Variants in CAMTA1 observed in about 807,000 individuals in gnomAD.
The protein encoded by CAMTA1 is calmodulin binding transcription activator 1, also known as calmodulin-binding transcription activator 1.
Under a neutral mutation model 170.9 loss-of-function variants are expected in CAMTA1, and 27 were observed. The observed-to-expected ratio is 0.16, with a 90% CI of 0.12 to 0.22. CAMTA1 has a LOEUF of 0.22. CAMTA1 is among the 10% of genes least tolerant of loss of function. CAMTA1 has a pLI of 1.00. For synonymous variants in CAMTA1, 833 were observed against 891.5 expected (o/e 0.93, Z 1.17); for missense variants, 1,619 against 2,217.2 (o/e 0.73, Z 5.42).
At chr1:7,430,130 G>A (rs1261921537) in intron 5 of CAMTA1, among the ~76,000 whole-genome samples, 1 of 152,154 alleles carries the variant, frequency 6.6e-6, no homozygotes, top group East Asian at 1.9e-4. Flanking sequence ...TGATGACAAT[G>A]ATGGCAATGA....
chr1:7,219,341 T>C (rs1660307273), intron 4 of CAMTA1: 1 of 151,774 alleles, frequency 6.6e-6, no homozygotes, highest in Non-Finnish European at 1.5e-5. Flanking sequence ...AGTAGGTCTC[T>C]ATCAAGAAGG....
Position 7,113,437 on chromosome 1 carries a change from C to T in CAMTA1, c.302+22066C>T, listed in dbSNP as rs1054513304. ...AGAGGGGTCATCTTTACTTGATTCC[C>T]TTGGTCTGGAGAGAAGGATCTAGGG... On this transcript the variant is annotated intron_variant, in intron 4 of 22. Transcript: ENST00000303635. The surrounding 1 kb of genome is among the most constrained non-coding windows in gnomAD (Gnocchi z 4.5). Among the ~76,000 whole-genome samples the T allele has an allele frequency of 1.3e-5, 2 of 152,162 alleles. No homozygotes were observed. The highest frequency in any genetic ancestry group is 1.9e-4 in the East Asian group (1 of 5,184).
intron 6 of CAMTA1, among the ~76,000 whole-genome samples, chr1:7,472,564 C>G (rs1035167956): frequency 6.6e-6 from 1 of 152,132 alleles, no homozygotes; most frequent in African/African-American, 2.4e-5. Flanking sequence ...CACCATCACC[C>G]CTGTTTATAG....
chr1:7,342,571 T>C (rs1419193793), intron 5 of CAMTA1, among the ~76,000 whole-genome samples: 9 of 152,276 alleles, frequency 5.9e-5, no homozygotes, highest in Admixed American at 1.3e-4. Flanking sequence ...TGGTGGCCCT[T>C]GAAGAGTGGT....
At chr1:7,267,089 C>G (rs1257478379) in intron 5 of CAMTA1, among the ~76,000 whole-genome samples, 1 of 152,180 alleles carries the variant, frequency 6.6e-6, no homozygotes, top group Non-Finnish European at 1.5e-5. Flanking sequence ...CTGTTGGCTT[C>G]TTCATCTATG....
At position 7,443,256 on chromosome 1, in the gene CAMTA1, G is replaced by T. The variant is rs2092594984; in HGVS notation, c.439-24574G>T. Among the ~76,000 whole-genome samples, 1 of 152,222 alleles carries T rather than the reference G, an allele frequency of 6.6e-6. No homozygotes were observed. Among genetic ancestry groups the T allele is most frequent in the Non-Finnish European group, 1.5e-5 (1 of 68,050 alleles). ...ATGAAGTCCATTTCCCCACTTTCGT[G>T]GGGTACAGTCCCCTTGAGGCAGGGA... On this transcript the variant is annotated intron_variant, in intron 5 of 22. Transcript: ENST00000303635. The surrounding 1 kb of genome is among the most constrained non-coding windows in gnomAD (Gnocchi z 4.1).
At chr1:6,972,210 T>C (rs956167002) in intron 3 of CAMTA1, among the ~76,000 whole-genome samples, 4 of 152,126 alleles carry the variant, frequency 2.6e-5, no homozygotes, top group Non-Finnish European at 5.9e-5. Context: ...GTGAGGGAAC[T>C]TGGCTTTATG....
chr1:7,339,814 C>T (rs35352810), intron 5 of CAMTA1, among the ~76,000 whole-genome samples: 3,125 of 152,268 alleles, frequency 0.021, 53 homozygotes, highest in Non-Finnish European at 0.031. Context: ...CCAGGCTGGT[C>T]TCAAACTCCT....
At chr1:7,662,017 C>A in intron 8 of CAMTA1, 151 bp downstream of exon 8, 2 of 959,998 alleles carry the variant, frequency 2.1e-6, no homozygotes, top group Non-Finnish European at 1.5e-6. Flanking sequence ...CCGCACCCAG[C>A]ACAGACACAA....
At chr1:7,027,683 C>A (rs984138354) in intron 3 of CAMTA1, among the ~76,000 whole-genome samples, 8 of 152,100 alleles carry the variant, frequency 5.3e-5, no homozygotes, top group Non-Finnish European at 1.0e-4. Flanking sequence ...TGGCACGACC[C>A]CTCATGCAAA....
At chr1:7,358,633 G>A (rs566220082) in intron 5 of CAMTA1, among the ~76,000 whole-genome samples, 5 of 152,306 alleles carry the variant, frequency 3.3e-5, no homozygotes, top group African/African-American at 1.2e-4. Flanking sequence ...CTGTGAGCTT[G>A]CAGGAATAAA....
chr1:7,109,110 G>A (rs1356202833), intron 4 of CAMTA1, among the ~76,000 whole-genome samples: 2 of 152,248 alleles, frequency 1.3e-5, no homozygotes, highest in African/African-American at 2.4e-5. Context: ...AAGAGACTAC[G>A]AGAGGGTGAG....
chr1:7,418,762 C>T (rs1007634443), intron 5 of CAMTA1, among the ~76,000 whole-genome samples: 6 of 152,234 alleles, frequency 3.9e-5, no homozygotes, highest in Admixed American at 3.3e-4. Context: ...CCCTGTCCTT[C>T]CAAGCTCTCT....
chr1:7,537,668 T>C (rs1039674861), intron 6 of CAMTA1, among the ~76,000 whole-genome samples: 2 of 152,182 alleles, frequency 1.3e-5, no homozygotes, highest in African/African-American at 4.8e-5. Flanking sequence ...CCGTCCTCAC[T>C]GATGAATCTC....
At position 7,532,446 on chromosome 1, in the gene CAMTA1, C is replaced by A. The variant is rs12090007; in HGVS notation, c.510+64545C>A. Among the ~76,000 whole-genome samples the A allele has an allele frequency of 2.6e-5, 4 of 152,034 alleles. No homozygotes were observed. Among genetic ancestry groups the A allele is most frequent in the Admixed American group, 1.3e-4 (2 of 15,276 alleles). Reference sequence around the variant, plus strand: ...AAGTATCTGGGACTACAGGCACACACCCCTGTGCCCAGCTAATTTTTATTT... The same window carrying A: ...AAGTATCTGGGACTACAGGCACACAACCCTGTGCCCAGCTAATTTTTATTT... On this transcript the variant is annotated intron_variant, in intron 6 of 22. Coordinates refer to ENST00000303635, the MANE Select transcript of CAMTA1 (RefSeq NM_015215.4). This position sits in a 1 kb window ranked among gnomAD's most constrained non-coding sequence, Gnocchi z 4.2.
At chr1:6,989,492 G>A (rs944625823) in intron 3 of CAMTA1, among the ~76,000 whole-genome samples, 12 of 152,234 alleles carry the variant, frequency 7.9e-5, no homozygotes, top group African/African-American at 2.4e-4. Context: ...AAGATTTACA[G>A]TGTGGAGGCT....
At chr1:7,279,629 T>A (rs1671224361) in intron 5 of CAMTA1, among the ~76,000 whole-genome samples, 2 of 152,130 alleles carry the variant, frequency 1.3e-5, no homozygotes, top group Admixed American at 1.3e-4. Flanking sequence ...AGAGATAACC[T>A]CCTGGCCTCC....
At chr1:6,863,430 G>A (rs574087082) in intron 3 of CAMTA1, among the ~76,000 whole-genome samples, 1 of 152,212 alleles carries the variant, frequency 6.6e-6, no homozygotes, top group South Asian at 2.1e-4. Flanking sequence ...TCCTAGGTTT[G>A]TTTCATGAGG....
chr1:7,330,244 G>A (rs1457986946), intron 5 of CAMTA1, among the ~76,000 whole-genome samples: 1 of 152,168 alleles, frequency 6.6e-6, no homozygotes, highest in African/African-American at 2.4e-5. Flanking sequence ...AATATAGTAT[G>A]GTGAAATAAC....
Sources: gnomAD v4.1 joint callset for allele counts (sites outside exome capture counted in the v4.1 genomes callset) on GRCh38, gnomAD v4.1.1 for gene constraint, Gnocchi (gnomAD v3.1) non-coding constraint, MANE v1.5 for transcripts, NCBI Gene and HGNC (gene_info 2026-07-23, HGNC 2026-07-21) for gene names.